DPP10: variants seen among roughly 807,000 people sequenced by gnomAD.
DPP10 encodes dipeptidyl peptidase like 10.
In DPP10, 33 loss-of-function variants were observed where a neutral mutation model predicts 120.9. That is an observed-to-expected ratio of 0.27 (90% CI 0.21 to 0.37). DPP10 has a LOEUF of 0.37. Among genes scored for constraint, DPP10 ranks in the 10% least tolerant of loss-of-function variants. The probability of loss-of-function intolerance (pLI) is 1.00; values close to 1 mark genes in which losing one functional copy is unlikely to be tolerated. For synonymous variants in DPP10, 337 were observed against 326.1 expected (o/e 1.03, Z -0.36); for missense variants, 816 against 942.8 (o/e 0.87, Z 1.76).
intron 1 of DPP10, among the ~76,000 whole-genome samples, chr2:114,925,295 G>C (rs1475359671): frequency 6.6e-6 from 1 of 151,518 alleles, no homozygotes; most frequent in East Asian, 1.9e-4. Context: ...TTTTTAACAA[G>C]CTGCAGGTAA....
chr2:115,051,688 A>G (rs972992104), intron 1 of DPP10, among the ~76,000 whole-genome samples: 1 of 152,208 alleles, frequency 6.6e-6, no homozygotes, highest in Non-Finnish European at 1.5e-5. Context: ...GACACACAAT[A>G]TAAAAAGACA....
At chr2:114,820,960 A>G (rs1363298106) in intron 1 of DPP10, among the ~76,000 whole-genome samples, 1 of 152,238 alleles carries the variant, frequency 6.6e-6, no homozygotes, top group Non-Finnish European at 1.5e-5. Flanking sequence ...AACAACATGG[A>G]TACACATGGA....
chr2:114,796,272 GA>G (rs1399221814), intron 1 of DPP10, among the ~76,000 whole-genome samples: 3 of 152,212 alleles, frequency 2.0e-5, no homozygotes, highest in Admixed American at 6.5e-5. Flanking sequence ...TTACAAGAAA[GA>G]GTTGAATTTC....
chr2:114,826,810 G>A (rs1051091866), intron 1 of DPP10, among the ~76,000 whole-genome samples: 3 of 152,194 alleles, frequency 2.0e-5, no homozygotes, highest in Admixed American at 6.5e-5. Context: ...TTACAGGCGT[G>A]AGCCACCGTG....
At chr2:115,330,280 GGTTT>G (rs2062635218) in intron 2 of DPP10, among the ~76,000 whole-genome samples, 2 of 151,918 alleles carry the variant, frequency 1.3e-5, no homozygotes, top group South Asian at 4.2e-4. Flanking sequence ...CTTTTTGTTG[GGTTT>G]GTTTTTTTCT....
intron 1 of DPP10, among the ~76,000 whole-genome samples, chr2:115,266,799 T>C (rs1469915234): frequency 6.6e-6 from 1 of 152,190 alleles, no homozygotes; most frequent in East Asian, 1.9e-4. Context: ...GCATGAAATA[T>C]TTATAATTGC....
At chr2:115,257,733 A>AT (rs1257556714) in intron 1 of DPP10, among the ~76,000 whole-genome samples, 2 of 152,110 alleles carry the variant, frequency 1.3e-5, no homozygotes, top group Non-Finnish European at 2.9e-5. Flanking sequence ...GATGTTGAGT[A>AT]TTTTTTTCCT....
chr2:114,938,730 T>G (rs1047184359), intron 1 of DPP10, among the ~76,000 whole-genome samples: 1 of 2,378 alleles, frequency 4.2e-4, no homozygotes, highest in Non-Finnish European at 3.1e-3. Context: ...ACTTTGTCCC[T>G]TTTTTTTTTT....
intron 17 of DPP10, among the ~76,000 whole-genome samples, chr2:115,787,855 A>G (rs1683514180): frequency 1.3e-5 from 2 of 152,196 alleles, no homozygotes; most frequent in Admixed American, 1.3e-4. Flanking sequence ...CATATTATGC[A>G]CATAGTAAAA....
intron 5 of DPP10, among the ~76,000 whole-genome samples, chr2:115,686,399 T>C (rs1575525290): frequency 6.6e-6 from 1 of 151,996 alleles, no homozygotes; most frequent in South Asian, 2.1e-4. Flanking sequence ...AAATATGAAG[T>C]AGGTTATAGG....
At chr2:114,523,439 C>T (rs142748237) in intron 1 of DPP10, among the ~76,000 whole-genome samples, 58 of 152,260 alleles carry the variant, frequency 3.8e-4, no homozygotes, top group Non-Finnish European at 6.6e-4. Flanking sequence ...TCTGTGAAAG[C>T]GAATCTTGGC....
intron 1 of DPP10, among the ~76,000 whole-genome samples, chr2:114,900,874 T>G (rs1693504471): frequency 6.6e-6 from 1 of 152,214 alleles, no homozygotes; most frequent in Non-Finnish European, 1.5e-5. Context: ...TTCAAAAAGT[T>G]CATGGAAAAT....
chr2:114,828,286 T>G (rs1267992077), intron 1 of DPP10: 1 of 152,206 alleles, frequency 6.6e-6, no homozygotes, highest in Admixed American at 6.5e-5. Context: ...TATGAAAAAC[T>G]TTAATGTAAG....
intron 1 of DPP10, among the ~76,000 whole-genome samples, chr2:114,758,583 T>A (rs1680002900): frequency 6.6e-6 from 1 of 152,194 alleles, no homozygotes; most frequent in South Asian, 2.1e-4. Context: ...AGATAGCTTT[T>A]AATTGTCCGT....
At chr2:115,115,925 C>CA (rs993047334) in intron 1 of DPP10, among the ~76,000 whole-genome samples, 30 of 151,898 alleles carry the variant, frequency 2.0e-4, no homozygotes, top group African/African-American at 6.8e-4. Context: ...GTATATTATC[C>CA]AAAAAAAGCA....
At chr2:114,685,639 C>A (rs918689752) in intron 1 of DPP10, among the ~76,000 whole-genome samples, 1 of 151,912 alleles carries the variant, frequency 6.6e-6, no homozygotes, top group African/African-American at 2.4e-5. Context: ...CCATGTTTAG[C>A]AAATGTCACT....
chr2:114,937,672 TC>T (rs1175955629), intron 1 of DPP10, among the ~76,000 whole-genome samples: 1 of 152,180 alleles, frequency 6.6e-6, no homozygotes, highest in African/African-American at 2.4e-5. Flanking sequence ...TGGGCTGCAT[TC>T]CCAAGCAACC....
At chr2:115,314,103 A>T (rs770882818) in intron 2 of DPP10, among the ~76,000 whole-genome samples, 5 of 152,086 alleles carry the variant, frequency 3.3e-5, no homozygotes, top group African/African-American at 1.2e-4. Flanking sequence ...TTGGGAGAAC[A>T]TTTTGTGCAG....
chr2:115,770,137 T>A (rs899808642), intron 13 of DPP10, among the ~76,000 whole-genome samples: 8 of 152,062 alleles, frequency 5.3e-5, no homozygotes, highest in Admixed American at 3.9e-4. Context: ...TCTACCTATA[T>A]TTTTGTATCC....
Sources: gnomAD v4.1 joint callset for allele counts (sites outside exome capture counted in the v4.1 genomes callset) on GRCh38, gnomAD v4.1.1 for gene constraint, MANE v1.5 for transcripts, NCBI Gene and HGNC (gene_info 2026-07-23, HGNC 2026-07-21) for gene names.